ABHD2: variants seen among roughly 807,000 people sequenced by gnomAD.
The protein encoded by ABHD2 is abhydrolase domain containing 2, acylglycerol lipase, also known as monoacylglycerol lipase ABHD2.
A neutral mutation model predicts 48.1 loss-of-function variants in ABHD2; 20 were observed. The ratio of observed to expected loss-of-function variants is 0.42; its 90% CI spans 0.29 to 0.60. The LOEUF (loss-of-function observed/expected upper bound fraction) is 0.60, where lower values mean the gene tolerates loss of function less well. Among genes scored for constraint, ABHD2 ranks in the 20% least tolerant of loss-of-function variants. The pLI is 0.24. For synonymous variants in ABHD2, 209 were observed against 214.2 expected (o/e 0.98, Z 0.21); for missense variants, 405 against 550.9 (o/e 0.74, Z 2.65).
chr15:89,084,986 C>T (rs766291796), upstream of ABHD2, among the ~76,000 whole-genome samples: 4 of 152,118 alleles, frequency 2.6e-5, no homozygotes, highest in Non-Finnish European at 4.4e-5. The surrounding 1 kb of genome is among the most constrained non-coding windows in gnomAD (Gnocchi z 4.4). Context: ...CTGAACCATC[C>T]CCCGAGGACA....
intron 6 of ABHD2, among the ~76,000 whole-genome samples, chr15:89,183,984 C>T (rs1427116035): frequency 2.0e-5 from 3 of 152,064 alleles, no homozygotes; most frequent in East Asian, 1.9e-4. Flanking sequence ...CTGCTTTAGC[C>T]GGGGTCCCTC....
chr15:89,123,593 C>CTTTCTTTTTTTTTTTTTTTTT (rs2050085604), intron 3 of ABHD2, among the ~76,000 whole-genome samples: 1 of 96,680 alleles, frequency 1.0e-5, no homozygotes. Context: ...TTCTTTCTTT[C>CTTTCTTTTTTTTTTTTTTTTT]TTTTTTTTTT....
rs542661249 is a variant in ABHD2, at chr15:89,116,022, T to C, written c.-6-300T>C. The stretch of plus-strand genomic sequence containing the variant: ...TTTTTCCCCCTCCGATAAAGGACAC[T>C]ATTCTTAGCATTTTTCAATTTTCTG... On this transcript the variant is annotated intron_variant, in intron 2 of 10. Transcript: ENST00000352732. The surrounding 1 kb of genome is among the most constrained non-coding windows in gnomAD (Gnocchi z 4.6). Among the ~76,000 whole-genome samples the C allele has an allele frequency of 6.6e-6, 1 of 152,350 alleles. No homozygotes were observed. The highest frequency in any genetic ancestry group is 1.9e-4 in the East Asian group (1 of 5,194).
At chr15:89,126,212 A>G (rs1266428258) in intron 3 of ABHD2, among the ~76,000 whole-genome samples, 2 of 152,214 alleles carry the variant, frequency 1.3e-5, no homozygotes, top group Admixed American at 6.5e-5. Flanking sequence ...TGTGGACGGT[A>G]AGTGGGCCTT....
chr15:89,190,985 G>A (rs546033769), intron 8 of ABHD2, 95 bp from the exon 9 acceptor site: 1 of 1,199,784 alleles, frequency 8.3e-7, no homozygotes, highest in South Asian at 1.3e-5. Flanking sequence ...CCACAAGTTA[G>A]CGTGAGGAAC....
chr15:89,147,392 C>T (rs866182988), intron 3 of ABHD2, among the ~76,000 whole-genome samples: 11 of 127,380 alleles, frequency 8.6e-5, no homozygotes, highest in African/African-American at 2.5e-4. Context: ...CTCGCTCTTT[C>T]GCCCAGGCTG....
At chr15:89,088,181 G>C (rs528039016), upstream of ABHD2, 2 of 152,378 alleles carry the variant, frequency 1.3e-5, no homozygotes, top group Admixed American at 1.3e-4. This position sits in a 1 kb window ranked among gnomAD's most constrained non-coding sequence, Gnocchi z 6.8. Flanking sequence ...CCCACTCCGG[G>C]CTGGCCTTAT....
At position 89,175,128 on chromosome 15, in the gene ABHD2, A is replaced by G. The variant is rs1567104552; in HGVS notation, c.539-684A>G. ...ATAACATCCACTTGCTACTTTTCTT[A>G]ACACCATGAATCATCATACACATGG... is the stretch of plus-strand genomic sequence containing the variant. On this transcript the variant is annotated intron_variant, in intron 5 of 10. Coordinates refer to ENST00000352732, the MANE Select transcript of ABHD2 (RefSeq NM_152924.5). This position sits in a 1 kb window ranked among gnomAD's most constrained non-coding sequence, Gnocchi z 5.7. Among the ~76,000 whole-genome samples, 1 of 152,240 alleles carries G rather than the reference A, an allele frequency of 6.6e-6. No individual in the cohort carries two copies. Among genetic ancestry groups the G allele is most frequent in the African/African-American group, 2.4e-5 (1 of 41,460 alleles).
chr15:89,135,565 T>G, intron 3 of ABHD2: 1 of 1,477,394 alleles, frequency 6.8e-7, no homozygotes, highest in Non-Finnish European at 9.3e-7. Flanking sequence ...ATCTTCATCT[T>G]CCTCCTCCTC....
chr15:89,144,436 C>T (rs1327196178), intron 3 of ABHD2, among the ~76,000 whole-genome samples: 1 of 152,040 alleles, frequency 6.6e-6, no homozygotes, highest in Non-Finnish European at 1.5e-5. Context: ...CCGGGCCTAC[C>T]ATTCAGTGTC....
intron 1 of ABHD2, among the ~76,000 whole-genome samples, chr15:89,108,000 G>GAATGC (rs2049813691): frequency 6.6e-6 from 1 of 152,194 alleles, no homozygotes; most frequent in Admixed American, 6.6e-5. Context: ...TTTATTCACA[G>GAATGC]AATGCAATTT....
intron 3 of ABHD2, among the ~76,000 whole-genome samples, chr15:89,127,427 T>C (rs1392612647): frequency 6.6e-6 from 1 of 151,248 alleles, no homozygotes; most frequent in African/African-American, 2.5e-5. Context: ...CAGCAGGTTA[T>C]ATGTTTTTCT....
chr15:89,089,589 C>G (rs922743294), intron 1 of ABHD2, among the ~76,000 whole-genome samples: 1 of 152,162 alleles, frequency 6.6e-6, no homozygotes, highest in African/African-American at 2.4e-5. Flanking sequence ...TAACCAAATC[C>G]AAAGGCATGT....
intron 7 of ABHD2, among the ~76,000 whole-genome samples, chr15:89,187,768 C>T (rs948676958): frequency 7.2e-5 from 11 of 152,160 alleles, no homozygotes; most frequent in African/African-American, 2.4e-4. Flanking sequence ...GTTTGTTTTC[C>T]ACTCCTTCCT....
At chr15:89,145,829 C>T (rs915439244) in intron 3 of ABHD2, among the ~76,000 whole-genome samples, 2 of 152,152 alleles carry the variant, frequency 1.3e-5, no homozygotes, top group African/African-American at 4.8e-5. Context: ...CTGGAACAGC[C>T]CCCTGGTTTC....
rs750040059 is a variant in ABHD2, at chr15:89,193,222, G to C, written c.997-13G>C. The stretch of plus-strand genomic sequence containing the variant: ...AATCAGTAGTTTAATTCTGCTTTAT[G>C]TTCTTGTTGCAGATTTATGTTCCTC... On this transcript the variant is annotated splice_polypyrimidine_tract_variant and intron_variant, in intron 9 of 10. Transcript: ENST00000352732. 1.9e-6 allele frequency: 3 copies of C among 1,613,712 alleles called. No individual in the cohort carries two copies. In the African/African-American group the frequency reaches 4.0e-5, roughly 22 times the overall value.
the ABHD2 span, among the ~76,000 whole-genome samples, chr15:89,043,565 A>C: frequency 5.5e-5 from 8 of 145,750 alleles, no homozygotes; most frequent in Non-Finnish European, 1.1e-4. Flanking sequence ...GAGGAGAGGA[A>C]GAGGAAGAAA....
In ABHD2 at chr15:89,201,013, C is replaced by T. The variant is rs1330622483; in HGVS notation, c.*5590C>T. The T allele has an allele frequency of 6.3e-5, 36 of 572,800 alleles. No individual in the cohort carries two copies. Among genetic ancestry groups the T allele is most frequent in the South Asian group, 2.7e-4 (13 of 47,738 alleles). The allele number at this position is 572,800 out of a possible 1,614,324, so 35.5% of individuals were successfully genotyped here. A position where few individuals can be genotyped will look rare whatever the true frequency, so the allele number is the denominator to read the frequency against. Reference sequence around the variant, plus strand: ...GGGAGAATTGCTTGAACCCAGGAGACGGAGGTTGCAGTGAGCCGAGATCAC... The same window carrying T: ...GGGAGAATTGCTTGAACCCAGGAGATGGAGGTTGCAGTGAGCCGAGATCAC... On this transcript the variant is annotated 3_prime_UTR_variant, in exon 11 of 11. Transcript: ENST00000352732.
intron 9 of ABHD2, 55 bp downstream of exon 9, chr15:89,191,204 A>G (rs569981503): frequency 6.4e-7 from 1 of 1,550,996 alleles, no homozygotes; most frequent in Non-Finnish European, 8.9e-7. Context: ...CCTCGCACAC[A>G]ATACGACAGA....
Sources: allele counts gnomAD v4.1 joint callset (sites outside exome capture counted in the v4.1 genomes callset), GRCh38; gene constraint gnomAD v4.1.1; non-coding constraint Gnocchi (gnomAD v3.1); transcripts MANE v1.5; gene names NCBI Gene and HGNC (gene_info 2026-07-23, HGNC 2026-07-21).